GRHL1: variants seen among roughly 807,000 people sequenced by gnomAD.
GRHL1 encodes grainyhead-like protein 1 homolog.
GRHL1 carries 38 observed loss-of-function variants against 75.7 expected under a neutral mutation model. The observed-to-expected ratio is 0.50, with a 90% CI of 0.39 to 0.66. GRHL1 has a LOEUF of 0.66. GRHL1 is among the 30% of genes least tolerant of loss of function. GRHL1 has a pLI of 0.00. For synonymous variants in GRHL1, 266 were observed against 279.4 expected (o/e 0.95, Z 0.48); for missense variants, 589 against 767.5 (o/e 0.77, Z 2.75).
chr2:9,964,199 T>C (rs1667392135), intron 6 of GRHL1, 36 bp from the exon 7 acceptor site: 3 of 1,379,106 alleles, frequency 2.2e-6, no homozygotes. Context: ...ACTCACCCTT[T>C]AGTGTCTTTA....
rs775000641 is a variant in GRHL1, at chr2:9,987,097, G to A, written c.1269+815G>A. Among the ~76,000 whole-genome samples the A allele has an allele frequency of 6.6e-6, 1 of 151,764 alleles. No homozygotes were observed. Among genetic ancestry groups the A allele is most frequent in the Non-Finnish European group, 1.5e-5 (1 of 67,972 alleles). On this transcript the variant is annotated intron_variant, in intron 9 of 15. Transcript: ENST00000324907. The surrounding 1 kb of genome is among the most constrained non-coding windows in gnomAD (Gnocchi z 4.2). Reference sequence around the variant, plus strand: ...GGGTTCAAATGATTCTTGTGCCTCAGCCTCTCCAGTAGCTGGGATTACAGA... The same window carrying A: ...GGGTTCAAATGATTCTTGTGCCTCAACCTCTCCAGTAGCTGGGATTACAGA...
At chr2:9,979,436 G>A (rs778625811) in intron 8 of GRHL1, among the ~76,000 whole-genome samples, 3 of 151,888 alleles carry the variant, frequency 2.0e-5, no homozygotes, top group African/African-American at 2.4e-5. Context: ...ACAGGGTCTC[G>A]CTATGTTGCC....
chr2:9,997,083 A>G (rs1268381236), intron 14 of GRHL1, among the ~76,000 whole-genome samples: 1 of 152,214 alleles, frequency 6.6e-6, no homozygotes, highest in Non-Finnish European at 1.5e-5. Context: ...AAGTGTGTCC[A>G]TAATTGGGCT....
Position 9,990,155 on chromosome 2 carries a change from C to CTT in GRHL1, c.1270-531_1270-530dup, listed in dbSNP as rs1279026426. Among the ~76,000 whole-genome samples the CTT allele has an allele frequency of 2.1e-5, 3 of 146,042 alleles. No individual in the cohort carries two copies. Among genetic ancestry groups the CTT allele is most frequent in the African/African-American group, 7.5e-5 (3 of 39,938 alleles). On this transcript the variant is annotated intron_variant, in intron 9 of 15. Coordinates refer to ENST00000324907, the MANE Select transcript of GRHL1 (RefSeq NM_198182.3). This position sits in a 1 kb window ranked among gnomAD's most constrained non-coding sequence, Gnocchi z 4.2. ...ACATCCATTATAAGGAGAAATTTTG[C>CTT]TTTTTTTTTTTGAGACAGAGTTTCG...
At position 9,998,494 on chromosome 2, in the gene GRHL1, ATATATACATATATATACG is replaced by A. The variant is rs1440592717; in HGVS notation, c.1678-464_1678-447del. Among the ~76,000 whole-genome samples the A allele has an allele frequency of 2.3e-3, 8 of 3,460 alleles. 4 individuals are homozygous for A. Among genetic ancestry groups the A allele is most frequent in the African/African-American group, 0.014 (6 of 436 alleles). The allele number at this position is 3,460 out of a possible 152,430, so 2.3% of individuals were successfully genotyped here. On this transcript the variant is annotated intron_variant, in intron 14 of 15. Coordinates refer to ENST00000324907, the MANE Select transcript of GRHL1 (RefSeq NM_198182.3). ...CGTATATATATACATATATATACGT[ATATATACATATATATACG>A]TATATATATACATATATATACGTAT...
At chr2:9,978,712 C>T (rs1000765683) in intron 8 of GRHL1, among the ~76,000 whole-genome samples, 3 of 152,086 alleles carry the variant, frequency 2.0e-5, no homozygotes, top group Non-Finnish European at 4.4e-5. Context: ...GGAAACCAGC[C>T]GGGCATGGTG....
In GRHL1 at chr2:9,965,157, G is replaced by A. The variant is rs554505776; in HGVS notation, c.1016-130G>A. The A allele has an allele frequency of 3.1e-5, 17 of 553,086 alleles. 1 individual carries two copies. The highest frequency in any genetic ancestry group is 2.5e-4 in the South Asian group (8 of 31,970). 34.3% of individuals were successfully genotyped at this position (553,086 alleles called of 1,614,324 possible). ...TTCGTATTTTGAACTTCTTCTAATCGAACAAAATGTTAATTTAAATTGTCC... is the reference window on the plus strand; with the variant it reads ...TTCGTATTTTGAACTTCTTCTAATCAAACAAAATGTTAATTTAAATTGTCC... On this transcript the variant is annotated intron_variant, in intron 7 of 15. Coordinates refer to ENST00000324907, the MANE Select transcript of GRHL1 (RefSeq NM_198182.3).
At chr2:9,965,629 A>G in intron 8 of GRHL1, 1 of 471,636 alleles carries the variant, frequency 2.1e-6, no homozygotes, top group Non-Finnish European at 3.8e-6. Context: ...CTGCCTGTTC[A>G]GCCTTGAGTC....
Position 9,990,682 on chromosome 2 carries a change from C to T in GRHL1, c.1270-14C>T. 1.1e-5 allele frequency: 17 copies of T among 1,570,436 alleles called. No homozygotes were observed. Among genetic ancestry groups the T allele is most frequent in the Non-Finnish European group, 1.4e-5 (16 of 1,145,002 alleles). ...GGAAAACAGAATCATATCTTGTCTT[C>T]TCTTAACCTACAGGGAGCTGAGCGG... On this transcript the variant is annotated splice_polypyrimidine_tract_variant and intron_variant, in intron 9 of 15. Transcript: ENST00000324907. The surrounding 1 kb of genome is among the most constrained non-coding windows in gnomAD (Gnocchi z 4.2).
rs940395825 is a variant in GRHL1 at position 9,955,193 on chromosome 2, T to C, written c.207+92T>C. On this transcript the variant is annotated intron_variant, in intron 2 of 15. Transcript: ENST00000324907. The stretch of plus-strand genomic sequence containing the variant: ...ACAGACATTTGCTGGTAGAATGCCA[T>C]GCAAGTTGCTTCTGTAGTGACTATA... 13 of 808,004 alleles carry C rather than the reference T, an allele frequency of 1.6e-5. No individual in the cohort carries two copies. The African/African-American group carries it at 2.1e-4, about 13-fold the overall frequency. The allele number at this position is 808,004 out of a possible 1,614,324, so 50.1% of individuals were successfully genotyped here.
At chr2:9,964,138 G>A in intron 6 of GRHL1, 96 bp downstream of exon 6, 1 of 1,351,000 alleles carries the variant, frequency 7.4e-7, no homozygotes. Flanking sequence ...TGAAATTGCA[G>A]CTTTAAGCCT....
chr2:9,966,603 A>T (rs1667506991), intron 8 of GRHL1, among the ~76,000 whole-genome samples: 1 of 152,146 alleles, frequency 6.6e-6, no homozygotes, highest in African/African-American at 2.4e-5. Context: ...TAAGAATTTT[A>T]GTAACTTTTA....
rs1668603353 is a variant in GRHL1 at position 9,990,766 on chromosome 2, G to A, written c.1321+19G>A. On this transcript the variant is annotated intron_variant, in intron 10 of 15. Transcript: ENST00000324907. The surrounding 1 kb of genome is among the most constrained non-coding windows in gnomAD (Gnocchi z 4.2). Reference sequence around the variant, plus strand: ...AGAAAAGGCAAGTGTCCTGACCCCAGCTCCCAGGTGAATGCCTGTAAGTAG... The same window carrying A: ...AGAAAAGGCAAGTGTCCTGACCCCAACTCCCAGGTGAATGCCTGTAAGTAG... 2 of 1,600,266 alleles carry A rather than the reference G, an allele frequency of 1.2e-6. No individual in the cohort carries two copies. Among genetic ancestry groups the A allele is most frequent in the Non-Finnish European group, 1.7e-6 (2 of 1,170,432 alleles).
At position 9,992,847 on chromosome 2, in the gene GRHL1, G is replaced by C. The variant is rs1316355358; in HGVS notation, c.1462-360G>C. On this transcript the variant is annotated intron_variant, in intron 11 of 15. Coordinates refer to ENST00000324907, the MANE Select transcript of GRHL1 (RefSeq NM_198182.3). The surrounding 1 kb of genome is among the most constrained non-coding windows in gnomAD (Gnocchi z 4.6). ...GGAGGTGAGCAGGGGTTAGCACACT[G>C]TTTTTGTGAAGGGCTGGGCCGTAAA... 2.0e-5 allele frequency among the ~76,000 whole-genome samples: 3 copies of C among 152,202 alleles called. No homozygotes were observed. Among genetic ancestry groups the C allele is most frequent in the Non-Finnish European group, 4.4e-5 (3 of 68,036 alleles).
chr2:9,988,895 A>G (rs142156927), intron 9 of GRHL1, among the ~76,000 whole-genome samples: 1 of 152,084 alleles, frequency 6.6e-6, no homozygotes, highest in Non-Finnish European at 1.5e-5. Flanking sequence ...TTATAGATAC[A>G]CAGATAAATA....
At chr2:9,964,175 G>A (rs989689509) in intron 6 of GRHL1, 60 bp from the exon 7 acceptor site, 18 of 1,341,628 alleles carry the variant, frequency 1.3e-5, no homozygotes, top group South Asian at 6.3e-5. Context: ...TACTAAATAC[G>A]TTTTCCAAAA....
chr2:9,998,657 C>CACATATATATACAT (rs1558320662), intron 14 of GRHL1, among the ~76,000 whole-genome samples: 4 of 61,018 alleles, frequency 6.6e-5, no homozygotes, highest in African/African-American at 3.0e-4. Context: ...TATACATATA[C>CACATATATATACAT]ATATATATGT....
rs559768511 is a variant in GRHL1 at position 9,983,045 on chromosome 2, A to G, written c.1111-3079A>G. Among the ~76,000 whole-genome samples, 124 of 152,272 alleles carry G rather than the reference A, an allele frequency of 8.1e-4. 3 individuals are homozygous for G. In the South Asian group the frequency reaches 0.025, roughly 31 times the overall value. On this transcript the variant is annotated intron_variant, in intron 8 of 15. Coordinates refer to ENST00000324907, the MANE Select transcript of GRHL1 (RefSeq NM_198182.3). ...GATGTTCAGACCTAAGCGGCTGTGC[A>G]TGTGGCTCCCCTTGTAGACTTTGGT...
chr2:9,978,154 A>C (rs538611670), intron 8 of GRHL1, among the ~76,000 whole-genome samples: 1 of 152,224 alleles, frequency 6.6e-6, no homozygotes, highest in East Asian at 1.9e-4. Context: ...GCTACAATTC[A>C]AGATGAGATT....
Sources: allele counts gnomAD v4.1 joint callset (sites outside exome capture counted in the v4.1 genomes callset), GRCh38; gene constraint gnomAD v4.1.1; non-coding constraint Gnocchi (gnomAD v3.1); transcripts MANE v1.5; gene names NCBI Gene and HGNC (gene_info 2026-07-23, HGNC 2026-07-21).